OTOGL: variants seen among roughly 807,000 people sequenced by gnomAD.
OTOGL encodes otogelin-like protein.
In OTOGL, 285 loss-of-function variants were observed where a neutral mutation model predicts 318.5. The ratio of observed to expected loss-of-function variants is 0.89; its 90% CI spans 0.81 to 0.99. OTOGL has a LOEUF of 0.99. Among genes scored for constraint, OTOGL ranks in the 50% least tolerant of loss-of-function variants. The pLI is 0.00. For missense variants in OTOGL, 2,899 were observed against 2,845.6 expected (o/e 1.02, Z -0.43); for synonymous variants, 987 against 936.5 (o/e 1.05, Z -0.99).
At chr12:80,277,457 A>C (rs1411616801) in intron 24 of OTOGL, among the ~76,000 whole-genome samples, 1 of 119,662 alleles carries the variant, frequency 8.4e-6, no homozygotes, top group African/African-American at 2.8e-5. Context: ...TTTTATATTA[A>C]AACTTTATAC....
At chr12:80,218,309 CA>C (rs1301952290) in intron 5 of OTOGL, among the ~76,000 whole-genome samples, 2 of 152,182 alleles carry the variant, frequency 1.3e-5, no homozygotes, top group African/African-American at 2.4e-5. Flanking sequence ...TAAGTTAAAA[CA>C]GCATATTTTT....
At chr12:80,254,000 T>C (rs756424303) in intron 14 of OTOGL, among the ~76,000 whole-genome samples, 1 of 152,112 alleles carries the variant, frequency 6.6e-6, no homozygotes, top group African/African-American at 2.4e-5. Context: ...ATGAAATCCC[T>C]GCAGGACAGT....
chr12:80,371,476 C>T (rs909029586), intron 56 of OTOGL, among the ~76,000 whole-genome samples: 6 of 151,862 alleles, frequency 4.0e-5, no homozygotes, highest in African/African-American at 1.5e-4. Flanking sequence ...ATATTTATAG[C>T]GTAAATCATT....
chr12:80,238,004 T>C (rs990669394), intron 9 of OTOGL, among the ~76,000 whole-genome samples: 1 of 152,308 alleles, frequency 6.6e-6, no homozygotes, highest in Admixed American at 6.5e-5. Flanking sequence ...AGCTTTGAGA[T>C]TCAGCCTTTG....
chr12:80,154,461 C>T (rs1317005082), intron 1 of OTOGL, among the ~76,000 whole-genome samples: 1 of 146,694 alleles, frequency 6.8e-6, no homozygotes, highest in Admixed American at 6.7e-5. Context: ...GGCAGCTGCA[C>T]AATCAATCAA....
At chr12:80,243,499 C>T (rs552389079) in intron 11 of OTOGL, among the ~76,000 whole-genome samples, 119 of 151,570 alleles carry the variant, frequency 7.9e-4, no homozygotes, top group African/African-American at 2.9e-3. Context: ...AATAAGAAAT[C>T]TTGAAACATT....
In OTOGL at chr12:80,251,744, C is replaced by T; in HGVS notation, c.1104C>T (p.Ala368=). The T allele has an allele frequency of 2.5e-6, 4 of 1,594,994 alleles. No individual in the cohort carries two copies. Among genetic ancestry groups the T allele is most frequent in the Admixed American group, 1.7e-5 (1 of 57,378 alleles). The change falls in exon 12 of 59, where the codon GCC becomes GCT. Residue 368 remains alanine, a synonymous_variant. Coordinates refer to ENST00000547103, the MANE Select transcript of OTOGL (RefSeq NM_001378609.3). ...YCRAATEYAR[A]CSHAGYPIQD... The stretch of plus-strand genomic sequence containing the variant: ...GAGCAGCCACTGAGTATGCTAGAGC[C>T]TGCTCTCATGCTGGCTACCCTATTC...
At chr12:80,209,352 C>G (rs1018374934) in intron 1 of OTOGL, 61 bp from the exon 2 acceptor site, 1 of 932,480 alleles carries the variant, frequency 1.1e-6, no homozygotes, top group African/African-American at 1.7e-5. Context: ...GAGTACCCTA[C>G]AAATATGCAT....
intron 4 of OTOGL, among the ~76,000 whole-genome samples, chr12:80,214,784 G>A (rs12313692): frequency 0.26 from 39,912 of 151,990 alleles, 5,661 homozygotes; most frequent in East Asian, 0.4. Context: ...TCATTTCTGT[G>A]CAATTGGTTC....
intron 5 of OTOGL, 21 bp from the exon 6 acceptor site, chr12:80,219,793 T>A (rs1319202009): frequency 2.1e-6 from 3 of 1,416,950 alleles, no homozygotes; most frequent in Non-Finnish European, 2.9e-6. Flanking sequence ...AAGATAACTT[T>A]TTTTTTTTTT....
chr12:80,260,409 A>T (rs1019172353), intron 18 of OTOGL, among the ~76,000 whole-genome samples: 1 of 152,092 alleles, frequency 6.6e-6, no homozygotes, highest in Non-Finnish European at 1.5e-5. Context: ...ATGGGTCAGC[A>T]GTCAATGTTT....
At chr12:80,271,939 AAG>A in intron 24 of OTOGL, 129 bp downstream of exon 24, 5 of 1,052,414 alleles carry the variant, frequency 4.8e-6, no homozygotes, top group Non-Finnish European at 6.7e-6. Flanking sequence ...TGGTAGCTAG[AAG>A]ACTATTGTGA....
At chr12:80,362,405 AG>A (rs1431481412) in intron 52 of OTOGL, among the ~76,000 whole-genome samples, 1 of 152,140 alleles carries the variant, frequency 6.6e-6, no homozygotes, top group Non-Finnish European at 1.5e-5. Context: ...TTTTGAAGTC[AG>A]GTAACATGAT....
chr12:80,108,838 ATATATATGTG>A (rs1869634837), intron 1 of OTOGL, among the ~76,000 whole-genome samples: 9 of 88,394 alleles, frequency 1.0e-4, no homozygotes, highest in Admixed American at 4.2e-4. Context: ...TATATATTGT[ATATATATGTG>A]TATATATATG....
At chr12:80,370,506 A>C in intron 55 of OTOGL, 64 bp from the exon 56 acceptor site, 5 of 1,316,204 alleles carry the variant, frequency 3.8e-6, no homozygotes, top group Non-Finnish European at 5.0e-6. Context: ...ATAGAATAAT[A>C]TTGTACTTAA....
chr12:80,314,098 T>C (rs1380671142), intron 31 of OTOGL, among the ~76,000 whole-genome samples: 1 of 152,100 alleles, frequency 6.6e-6, no homozygotes, highest in Admixed American at 6.6e-5. Flanking sequence ...TGGCAATATA[T>C]TTTCCTACTT....
At chr12:80,181,125 T>C (rs535250982) in intron 1 of OTOGL, among the ~76,000 whole-genome samples, 5 of 152,314 alleles carry the variant, frequency 3.3e-5, no homozygotes, top group African/African-American at 9.6e-5. Flanking sequence ...GGTTTGTCAA[T>C]TGGTACATTT....
At chr12:80,269,747 TTCTA>T (rs1484693672) in intron 22 of OTOGL, among the ~76,000 whole-genome samples, 1 of 152,208 alleles carries the variant, frequency 6.6e-6, no homozygotes, top group Non-Finnish European at 1.5e-5. Context: ...TTTGTTTTAC[TTCTA>T]TCTCTTAACA....
chr12:80,208,379 A>T (rs571847177), intron 1 of OTOGL: 2 of 377,216 alleles, frequency 5.3e-6, no homozygotes, highest in Non-Finnish European at 1.0e-5. Context: ...GTACAACAGG[A>T]TATTAACAAC....
Sources: allele counts gnomAD v4.1 joint callset (sites outside exome capture counted in the v4.1 genomes callset), GRCh38; gene constraint gnomAD v4.1.1; transcripts MANE v1.5; gene names NCBI Gene and HGNC (gene_info 2026-07-23, HGNC 2026-07-21).